The following SCAMP1 variants were observed in gnomAD, a reference collection of about 807,000 sequenced individuals.
SCAMP1 encodes secretory carrier-associated membrane protein 1.
SCAMP1 carries 15 observed loss-of-function variants against 41.8 expected under a neutral mutation model. That is an observed-to-expected ratio of 0.36 (90% CI 0.24 to 0.55). The LOEUF is 0.55. SCAMP1 is among the 20% of genes least tolerant of loss of function. The pLI is 0.86. For missense variants in SCAMP1, 341 were observed against 412.6 expected (o/e 0.83, Z 1.50); for synonymous variants, 135 against 136.8 (o/e 0.99, Z 0.09).
At chr5:78,384,715 A>G (rs114603029) in intron 1 of SCAMP1, among the ~76,000 whole-genome samples, 5,738 of 152,008 alleles carry the variant, frequency 0.038, 127 homozygotes, top group Non-Finnish European at 0.056. Flanking sequence ...ATGATCAGGT[A>G]ATTCTTGTTT....
intron 2 of SCAMP1, among the ~76,000 whole-genome samples, chr5:78,407,445 A>T: frequency 6.6e-6 from 1 of 151,688 alleles, no homozygotes; most frequent in Non-Finnish European, 1.5e-5. Context: ...ACAGTGGTTT[A>T]TAGGTGACCT....
At chr5:78,420,875 A>G (rs535018398) in intron 5 of SCAMP1, among the ~76,000 whole-genome samples, 1 of 152,320 alleles carries the variant, frequency 6.6e-6, no homozygotes, top group South Asian at 2.1e-4. Flanking sequence ...ACTAGATCCA[A>G]TAGGTTTTCC....
At position 78,479,909 on chromosome 5, in the gene SCAMP1, G is replaced by A. The variant is rs1754098090; in HGVS notation, c.*4241G>A. Among the ~76,000 whole-genome samples the A allele has an allele frequency of 6.6e-6, 1 of 152,120 alleles. No homozygotes were observed. The highest frequency in any genetic ancestry group is 6.5e-5 in the Admixed American group (1 of 15,274). On this transcript the variant is annotated 3_prime_UTR_variant, in exon 9 of 9. Coordinates refer to ENST00000621999, the MANE Select transcript of SCAMP1 (RefSeq NM_004866.6). ...TACAAAAAAAAAATTAGCTGAGCAT[G>A]GTGGCGGGCGCCTGTAGTCCCAGCT...
chr5:78,386,923 C>G (rs992232580), intron 1 of SCAMP1, among the ~76,000 whole-genome samples: 3 of 152,112 alleles, frequency 2.0e-5, no homozygotes, highest in Admixed American at 6.5e-5. Context: ...AACCTGATGA[C>G]TATGTGCCTA....
chr5:78,437,767 T>G (rs1310892400), intron 6 of SCAMP1, among the ~76,000 whole-genome samples: 2 of 152,244 alleles, frequency 1.3e-5, no homozygotes, highest in Non-Finnish European at 2.9e-5. Flanking sequence ...TTCTATTGTT[T>G]GGAATAGTTT....
chr5:78,415,351 T>C (rs963184608), intron 2 of SCAMP1, among the ~76,000 whole-genome samples, 169 bp from the exon 3 acceptor site: 1 of 152,070 alleles, frequency 6.6e-6, no homozygotes, highest in Non-Finnish European at 1.5e-5. Flanking sequence ...TTGGAGAAAA[T>C]GGAGATGGAG....
chr5:78,409,449 G>A (rs796887977), intron 2 of SCAMP1, among the ~76,000 whole-genome samples: 16 of 97,074 alleles, frequency 1.6e-4, no homozygotes, highest in African/African-American at 5.5e-4. Context: ...ACACACACAC[G>A]CATACACGCT....
rs1554044043 is a variant in SCAMP1 at position 78,421,991 on chromosome 5, T to C, written c.632+31T>C. ...ATGTGTGTACTTTAAAATACACTCT[T>C]TAAAACCTGTGAAGTAAATAATTCG... is the stretch of plus-strand genomic sequence containing the variant. On this transcript the variant is annotated intron_variant, in intron 6 of 8. Coordinates refer to ENST00000621999, the MANE Select transcript of SCAMP1 (RefSeq NM_004866.6). 3.9e-6 allele frequency: 6 copies of C among 1,555,374 alleles called. No individual in the cohort carries two copies. In the South Asian group the frequency reaches 7.0e-5, roughly 18 times the overall value.
chr5:78,398,438 T>A (rs1751711303), intron 2 of SCAMP1, among the ~76,000 whole-genome samples: 1 of 145,120 alleles, frequency 6.9e-6, no homozygotes, highest in East Asian at 2.0e-4. Context: ...GAATGTAGCT[T>A]ACTGTGACCT....
At chr5:78,470,528 A>C (rs1753860971) in intron 8 of SCAMP1, among the ~76,000 whole-genome samples, 1 of 152,168 alleles carries the variant, frequency 6.6e-6, no homozygotes, top group Non-Finnish European at 1.5e-5. Flanking sequence ...ATAATATTCC[A>C]TTGTATCTGT....
intron 2 of SCAMP1, among the ~76,000 whole-genome samples, chr5:78,408,094 G>T (rs1403906650): frequency 6.6e-6 from 1 of 152,100 alleles, no homozygotes; most frequent in Admixed American, 6.6e-5. Flanking sequence ...CAGTTCTCAT[G>T]CTGCTAATAA....
chr5:78,394,643 A>G (rs550372161), intron 2 of SCAMP1, among the ~76,000 whole-genome samples: 2 of 152,200 alleles, frequency 1.3e-5, no homozygotes, highest in African/African-American at 2.4e-5. Flanking sequence ...AGCATTCTGT[A>G]TAGTTTAACA....
In SCAMP1 at chr5:78,382,236, C is replaced by A. The variant is rs117531980; in HGVS notation, c.58-6601C>A. On this transcript the variant is annotated intron_variant, in intron 1 of 8. Coordinates refer to ENST00000621999, the MANE Select transcript of SCAMP1 (RefSeq NM_004866.6). ...GACTAGAAATTCGAAGGTTAGCCTA[C>A]ATGACAGTTTGGAAAATGCTTTTCA... Among the ~76,000 whole-genome samples the A allele has an allele frequency of 2.2e-3, 335 of 152,288 alleles. 4 individuals carry two copies. In the East Asian group the frequency reaches 0.031, roughly 14 times the overall value.
chr5:78,408,569 A>G (rs750083497), intron 2 of SCAMP1, among the ~76,000 whole-genome samples: 2 of 152,018 alleles, frequency 1.3e-5, no homozygotes, highest in African/African-American at 2.4e-5. Flanking sequence ...CTGACCTGAG[A>G]TCTGCAAGTT....
chr5:78,395,822 C>T (rs569944746), intron 2 of SCAMP1, among the ~76,000 whole-genome samples: 4 of 152,228 alleles, frequency 2.6e-5, no homozygotes, highest in South Asian at 2.1e-4. Context: ...CTCCAGTCTG[C>T]GAAGAGGGAG....
intron 1 of SCAMP1, among the ~76,000 whole-genome samples, chr5:78,363,167 C>G (rs1415379143): frequency 6.6e-6 from 1 of 151,606 alleles, no homozygotes. Context: ...GCTGGGATTA[C>G]GGGCGGGAGC....
chr5:78,362,690 A>G (rs766007576), intron 1 of SCAMP1, among the ~76,000 whole-genome samples: 2 of 152,188 alleles, frequency 1.3e-5, no homozygotes, highest in Non-Finnish European at 2.9e-5. Context: ...TAGCACTGTC[A>G]GTGTATCTGA....
intron 2 of SCAMP1, among the ~76,000 whole-genome samples, chr5:78,408,944 T>A (rs1751998880): frequency 6.6e-6 from 1 of 152,204 alleles, no homozygotes; most frequent in Non-Finnish European, 1.5e-5. Flanking sequence ...GATTTCCCTT[T>A]TTTCCTCCCT....
In SCAMP1 at chr5:78,477,130, A is replaced by G. The variant is rs1371597668; in HGVS notation, c.*1462A>G. 6.6e-6 allele frequency: 1 copy of G among 152,142 alleles called. No homozygotes were observed. The highest frequency in any genetic ancestry group is 2.4e-5 in the African/African-American group (1 of 41,434). 9.4% of individuals were successfully genotyped at this position (152,142 alleles called of 1,614,324 possible). On this transcript the variant is annotated 3_prime_UTR_variant, in exon 9 of 9. Transcript: ENST00000621999. ...AAAATCAGATAGGCATAAATAGTTA[A>G]ATCACTTTCATTCTCCCCAAACCTG...
Sources: gnomAD v4.1 joint callset for allele counts (sites outside exome capture counted in the v4.1 genomes callset) on GRCh38, gnomAD v4.1.1 for gene constraint, MANE v1.5 for transcripts, NCBI Gene and HGNC (gene_info 2026-07-23, HGNC 2026-07-21) for gene names.